Variants in TGFBRAP1 observed in about 807,000 individuals in gnomAD.
TGFBRAP1 encodes transforming growth factor beta receptor associated protein 1.
Under a neutral mutation model 83.2 loss-of-function variants are expected in TGFBRAP1, and 20 were observed. The ratio of observed to expected loss-of-function variants is 0.24; its 90% confidence interval spans 0.17 to 0.35. The LOEUF (loss-of-function observed/expected upper bound fraction) is 0.35. Among genes scored for constraint, TGFBRAP1 ranks in the 10% least tolerant of loss-of-function variants. The pLI is 1.00. For missense variants in TGFBRAP1, 950 were observed against 1,099.4 expected (o/e 0.86, Z 1.92); for synonymous variants, 415 against 459.8 (o/e 0.90, Z 1.25).
Position 105,280,713 on chromosome 2 carries a change from G to C in TGFBRAP1, c.1132C>G (p.Leu378Val). 1 of 1,612,768 alleles carries C rather than the reference G, an allele frequency of 6.2e-7. No homozygotes were observed. The highest frequency in any genetic ancestry group is 1.1e-5 in the South Asian group (1 of 91,004). Residue 378 changes from leucine (L) to valine (V), a missense_variant, in exon 6 of 12, where the codon CTT (leucine) becomes GTT (valine). Transcript: ENST00000393359. ...AGAGAGATCAGCTCCCGGACATCAA[G>C]CTGGCCGCTTCTGCAATTACAGTGT... ...EAKELFRSGQ[L>V]DVRELISLYP...
intron 5 of TGFBRAP1, 76 bp downstream of exon 5, chr2:105,284,240 C>T (rs930508461): frequency 1.2e-5 from 17 of 1,392,276 alleles, no homozygotes; most frequent in African/African-American, 2.8e-5. Flanking sequence ...CCCACCGCGA[C>T]GTCACACCAG....
intron 4 of TGFBRAP1, among the ~76,000 whole-genome samples, chr2:105,288,998 T>A (rs923299759): frequency 1.3e-5 from 2 of 152,188 alleles, no homozygotes; most frequent in Non-Finnish European, 2.9e-5. Context: ...CAAAATAGAA[T>A]CTTCTTCCCA....
intron 5 of TGFBRAP1, among the ~76,000 whole-genome samples, chr2:105,282,106 G>A (rs1395061267): frequency 6.6e-6 from 1 of 152,190 alleles, no homozygotes; most frequent in Non-Finnish European, 1.5e-5. Context: ...TGGCTGATGT[G>A]AGCCCATGCA....
chr2:105,260,038 G>C (rs1309640480), downstream of TGFBRAP1, among the ~76,000 whole-genome samples: 1 of 152,168 alleles, frequency 6.6e-6, no homozygotes, highest in African/African-American at 2.4e-5. Context: ...TACATGCAAA[G>C]AGTCTATGCA....
At chr2:105,273,773 G>C (rs1677241160) in intron 8 of TGFBRAP1, 83 bp from the exon 9 acceptor site, 2 of 1,508,798 alleles carry the variant, frequency 1.3e-6, no homozygotes, top group Non-Finnish European at 1.8e-6. Context: ...GCACATTCAA[G>C]CTTTGGATAA....
intron 1 of TGFBRAP1, among the ~76,000 whole-genome samples, chr2:105,328,344 G>C (rs1679279889): frequency 6.6e-6 from 1 of 152,168 alleles, no homozygotes; most frequent in African/African-American, 2.4e-5. Flanking sequence ...TAGTACTCCA[G>C]GCAGCGTTTT....
At chr2:105,262,065 C>T (rs1866038), downstream of TGFBRAP1, among the ~76,000 whole-genome samples, 120,392 of 152,016 alleles carry the variant, frequency 0.79, 47,851 homozygotes, top group African/African-American at 0.84. Context: ...ACTGAGACCA[C>T]ACTGCTACCC....
chr2:105,286,052 G>A lies in TGFBRAP1; in HGVS notation c.1039-1654C>T, dbSNP rs753661157. Among the ~76,000 whole-genome samples the A allele has an allele frequency of 1.8e-4, 27 of 152,088 alleles. 1 individual carries two copies. The highest frequency in any genetic ancestry group is 5.9e-5 in the Non-Finnish European group (4 of 68,008). The stretch of plus-strand genomic sequence containing the variant: ...TCTCAATCACACCCAGGCTTGTTGA[G>A]GAGAAATCAGAACGGCAATTTATTC... On this transcript the variant is annotated intron_variant, in intron 4 of 11. Coordinates refer to ENST00000393359, the MANE Select transcript of TGFBRAP1 (RefSeq NM_004257.6).
At chr2:105,252,881 TA>T in the TGFBRAP1 span, among the ~76,000 whole-genome samples, 1 of 148,080 alleles carries the variant, frequency 6.8e-6, no homozygotes, top group Non-Finnish European at 1.5e-5. Context: ...GCCTCCCGAG[TA>T]GCTGGGACTA....
intron 1 of TGFBRAP1, among the ~76,000 whole-genome samples, chr2:105,323,270 G>A (rs1031901953): frequency 2.6e-5 from 4 of 152,066 alleles, no homozygotes; most frequent in African/African-American, 9.7e-5. Context: ...TAGAGGGGGC[G>A]GGGGGATGTG....
chr2:105,267,263 C>T lies in TGFBRAP1; in HGVS notation c.*120G>A. ...TTGTTGCGTATGGACGGAAGGCTCC[C>T]TGGCACCCAGATGTCTCCCTTCGTC... On this transcript the variant is annotated 3_prime_UTR_variant, in exon 12 of 12. Transcript: ENST00000393359. 17 of 1,363,344 alleles carry T rather than the reference C, an allele frequency of 1.2e-5. No homozygotes were observed. The highest frequency in any genetic ancestry group is 1.7e-5 in the Non-Finnish European group (17 of 1,011,740). 84.5% of individuals were successfully genotyped at this position (1,363,344 alleles called of 1,614,324 possible).
chr2:105,304,079 G>A (rs1376539841), intron 2 of TGFBRAP1, among the ~76,000 whole-genome samples: 2 of 152,054 alleles, frequency 1.3e-5, no homozygotes, highest in African/African-American at 4.8e-5. Context: ...TATTTACATC[G>A]ATTATGGTGT....
chr2:105,261,295 T>C (rs1249826032), downstream of TGFBRAP1, among the ~76,000 whole-genome samples: 1 of 152,098 alleles, frequency 6.6e-6, no homozygotes, highest in East Asian at 1.9e-4. Context: ...CGTAGCGTCA[T>C]CTTAGCTCAC....
At chr2:105,288,668 A>T (rs1677796082) in intron 4 of TGFBRAP1, among the ~76,000 whole-genome samples, 1 of 152,224 alleles carries the variant, frequency 6.6e-6, no homozygotes, top group African/African-American at 2.4e-5. Context: ...AACTATATTC[A>T]TACCAACCCC....
intron 2 of TGFBRAP1, among the ~76,000 whole-genome samples, chr2:105,302,009 T>TAAAAAAAAAA (rs35548542): frequency 4.0e-5 from 3 of 75,112 alleles, no homozygotes; most frequent in African/African-American, 1.0e-4. Context: ...TAAAGAATAC[T>TAAAAAAAAAA]AAAAAAAAAA....
chr2:105,314,010 G>A (rs763695672), intron 1 of TGFBRAP1, among the ~76,000 whole-genome samples: 9 of 152,096 alleles, frequency 5.9e-5, no homozygotes, highest in Non-Finnish European at 1.2e-4. Context: ...GAAATAAGAT[G>A]ATCAGAGTCA....
chr2:105,277,710 T>A (rs776027664), intron 6 of TGFBRAP1, 39 bp from the exon 7 acceptor site: 12 of 1,605,822 alleles, frequency 7.5e-6, no homozygotes, highest in Non-Finnish European at 1.0e-5. Context: ...CCTCTCCCCA[T>A]CAGCTCCTGG....
chr2:105,311,155 A>AAC lies in TGFBRAP1; in HGVS notation c.-17-2838_-17-2837insGT, dbSNP rs1553407536. 8.1e-3 allele frequency among the ~76,000 whole-genome samples: 1,164 copies of AAC among 144,344 alleles called. 21 individuals carry two copies. The highest frequency in any genetic ancestry group is 0.027 in the African/African-American group (1,118 of 40,804). 94.7% of individuals were successfully genotyped at this position (144,344 alleles called of 152,430 possible). On this transcript the variant is annotated intron_variant, in intron 1 of 11. Transcript: ENST00000393359. ...AGGGAGAGAGAGCTGTAAAAAAAAAAAAAAAACAAAAAACAAAAAAACATA... is the reference window on the plus strand; with the variant it reads ...AGGGAGAGAGAGCTGTAAAAAAAAAAACAAAAAACAAAAAACAAAAAAACATA...
At chr2:105,316,359 C>T (rs1340149348) in intron 1 of TGFBRAP1, among the ~76,000 whole-genome samples, 1 of 151,054 alleles carries the variant, frequency 6.6e-6, no homozygotes, top group African/African-American at 2.4e-5. Flanking sequence ...AAAAAATTCC[C>T]CTACCTGATC....
Sources: gnomAD v4.1 joint callset for allele counts (sites outside exome capture counted in the v4.1 genomes callset) on GRCh38, gnomAD v4.1.1 for gene constraint, MANE v1.5 for transcripts, NCBI Gene and HGNC (gene_info 2026-07-23, HGNC 2026-07-21) for gene names.